Variants in PLPP3 observed in about 807,000 individuals in gnomAD.
PLPP3 encodes the protein PAP2 beta.
In PLPP3, 6 loss-of-function variants were observed where a neutral mutation model predicts 29.6. The observed-to-expected ratio is 0.20, with a 90% confidence interval of 0.11 to 0.40. The LOEUF (loss-of-function observed/expected upper bound fraction) is 0.40. PLPP3 is among the 10% of genes least tolerant of loss of function. The pLI is 1.00. For synonymous variants in PLPP3, 152 were observed against 159.7 expected (o/e 0.95, Z 0.36); for missense variants, 308 against 407.7 (o/e 0.76, Z 2.11).
intron 4 of PLPP3, 73 bp from the exon 5 acceptor site, chr1:56,512,225 A>G: frequency 7.5e-7 from 1 of 1,328,746 alleles, no homozygotes; most frequent in South Asian, 1.6e-5. Flanking sequence ...CCCAGGTGAC[A>G]CACACTACAT....
At chr1:56,552,085 G>A (rs1646043413) in intron 1 of PLPP3, among the ~76,000 whole-genome samples, 1 of 152,088 alleles carries the variant, frequency 6.6e-6, no homozygotes, top group South Asian at 2.1e-4. Flanking sequence ...ATGCACACTG[G>A]TTTTTGTTTG....
chr1:56,547,753 G>C (rs1405000613), intron 1 of PLPP3, among the ~76,000 whole-genome samples: 1 of 152,128 alleles, frequency 6.6e-6, no homozygotes, highest in Non-Finnish European at 1.5e-5. Flanking sequence ...CCATTTGCTG[G>C]GATCCTCTTG....
intron 5 of PLPP3, among the ~76,000 whole-genome samples, chr1:56,498,686 T>C (rs1569859511): frequency 6.6e-6 from 1 of 151,584 alleles, no homozygotes; most frequent in Non-Finnish European, 1.5e-5. Context: ...CAGGCTGGAG[T>C]GCAGTGGCAC....
chr1:56,548,922 A>G (rs1173636009), intron 1 of PLPP3, among the ~76,000 whole-genome samples: 1 of 152,180 alleles, frequency 6.6e-6, no homozygotes, highest in African/African-American at 2.4e-5. Context: ...CCAGAACTGA[A>G]AAGGTTTTCT....
chr1:56,578,634 A>G (rs1182659494), intron 1 of PLPP3, among the ~76,000 whole-genome samples: 1 of 152,164 alleles, frequency 6.6e-6, no homozygotes, highest in Non-Finnish European at 1.5e-5. Context: ...GAGCTGGTTT[A>G]ACAGTTGCCC....
Position 56,496,508 on chromosome 1 carries a change from T to C in PLPP3, c.*43A>G. On this transcript the variant is annotated 3_prime_UTR_variant, in exon 6 of 6. Coordinates refer to ENST00000371250, the MANE Select transcript of PLPP3 (RefSeq NM_003713.5). Reference sequence around the variant, plus strand: ...ATTGGAGAGCAGCAAGAACTTGCTGTCAGCAGTCATTTTACAAAAACAGCT... The same window carrying C: ...ATTGGAGAGCAGCAAGAACTTGCTGCCAGCAGTCATTTTACAAAAACAGCT... 6.2e-7 allele frequency: 1 copy of C among 1,607,500 alleles called. No individual in the cohort carries two copies. The highest frequency in any genetic ancestry group is 8.5e-7 in the Non-Finnish European group (1 of 1,174,904).
At chr1:56,552,480 T>C (rs1222532472) in intron 1 of PLPP3, among the ~76,000 whole-genome samples, 2 of 152,186 alleles carry the variant, frequency 1.3e-5, no homozygotes, top group Non-Finnish European at 2.9e-5. Context: ...ATATACCAAG[T>C]CAACACAATT....
intron 1 of PLPP3, among the ~76,000 whole-genome samples, chr1:56,563,325 T>C (rs1646142521): frequency 6.6e-6 from 1 of 152,212 alleles, no homozygotes; most frequent in African/African-American, 2.4e-5. Flanking sequence ...GGCCCTACAA[T>C]AGCCTGGGAA....
At chr1:56,540,108 T>C in intron 1 of PLPP3, among the ~76,000 whole-genome samples, 1 of 152,212 alleles carries the variant, frequency 6.6e-6, no homozygotes, top group East Asian at 1.9e-4. Flanking sequence ...ATCTTGACTC[T>C]GCTCCCTACT....
intron 5 of PLPP3, among the ~76,000 whole-genome samples, chr1:56,503,240 G>A (rs1388742944): frequency 6.6e-6 from 1 of 152,164 alleles, no homozygotes; most frequent in East Asian, 1.9e-4. Context: ...GTGGAAAAGA[G>A]TGTGACACTG....
intron 4 of PLPP3, among the ~76,000 whole-genome samples, chr1:56,518,716 T>TAC (rs1491197413): frequency 2.2e-5 from 1 of 46,468 alleles, no homozygotes; most frequent in African/African-American, 1.3e-4. Context: ...TTTAATCATT[T>TAC]ATATATATAT....
Position 56,571,528 on chromosome 1 carries a change from C to T in PLPP3, c.139+7350G>A, listed in dbSNP as rs531644966. Among the ~76,000 whole-genome samples, 30 of 152,252 alleles carry T rather than the reference C, an allele frequency of 2.0e-4. No individual in the cohort carries two copies. In the South Asian group the frequency reaches 2.1e-3, roughly 11 times the overall value. On this transcript the variant is annotated intron_variant, in intron 1 of 5. Coordinates refer to ENST00000371250, the MANE Select transcript of PLPP3 (RefSeq NM_003713.5). ...TGACATTAAAAAATGACCTTGGTATCGTTGATAATGAAATCTCCAAGGTAC... is the reference window on the plus strand; with the variant it reads ...TGACATTAAAAAATGACCTTGGTATTGTTGATAATGAAATCTCCAAGGTAC...
intron 2 of PLPP3, among the ~76,000 whole-genome samples, chr1:56,530,267 C>T (rs1293006666): frequency 6.8e-6 from 1 of 146,570 alleles, no homozygotes. Context: ...GTGTTCCTGG[C>T]TTTCTGCTGT....
At chr1:56,501,563 G>A (rs1645668502) in intron 5 of PLPP3, among the ~76,000 whole-genome samples, 1 of 152,034 alleles carries the variant, frequency 6.6e-6, no homozygotes, top group African/African-American at 2.4e-5. Context: ...TGTTTCTATG[G>A]ATTTATCTGT....
At position 56,557,006 on chromosome 1, in the gene PLPP3, G is replaced by GAAGGAAAGAAAGAAAGA. The variant is rs1557513486; in HGVS notation, c.140-19895_140-19894insTCTTTCTTTCTTTCCTT. ...AGAAAGAAAGAAAGAAAGAAAGAAA[G>GAAGGAAAGAAAGAAAGA]AAAGAGAGAGAGAGAGAGAAAGAGA... On this transcript the variant is annotated intron_variant, in intron 1 of 5. Coordinates refer to ENST00000371250, the MANE Select transcript of PLPP3 (RefSeq NM_003713.5). Among the ~76,000 whole-genome samples the GAAGGAAAGAAAGAAAGA allele has an allele frequency of 8.0e-3, 52 of 6,460 alleles. 4 individuals carry two copies. The highest frequency in any genetic ancestry group is 9.1e-3 in the African/African-American group (23 of 2,514). The allele number at this position is 6,460 out of a possible 152,430, so 4.2% of individuals were successfully genotyped here.
chr1:56,520,226 C>T (rs182885580), intron 4 of PLPP3, among the ~76,000 whole-genome samples: 1 of 152,170 alleles, frequency 6.6e-6, no homozygotes, highest in African/African-American at 2.4e-5. Flanking sequence ...TGCTGAGGCT[C>T]TAAAGCTATG....
At chr1:56,575,212 C>G (rs1228103833) in intron 1 of PLPP3, among the ~76,000 whole-genome samples, 1 of 152,176 alleles carries the variant, frequency 6.6e-6, no homozygotes, top group East Asian at 1.9e-4. Flanking sequence ...CTGAGACACA[C>G]AGAAAACCGA....
At chr1:56,563,157 T>C (rs571099019) in intron 1 of PLPP3, among the ~76,000 whole-genome samples, 2 of 152,298 alleles carry the variant, frequency 1.3e-5, no homozygotes, top group East Asian at 3.9e-4. Context: ...CTAAGTCCTA[T>C]TTAACTTTTC....
chr1:56,573,909 A>C (rs1232380116), intron 1 of PLPP3, among the ~76,000 whole-genome samples: 1 of 152,204 alleles, frequency 6.6e-6, no homozygotes, highest in Non-Finnish European at 1.5e-5. Flanking sequence ...AAGGGTTAAA[A>C]GCAGAAAAGG....
Sources: allele counts gnomAD v4.1 joint callset (sites outside exome capture counted in the v4.1 genomes callset), GRCh38; gene constraint gnomAD v4.1.1; transcripts MANE v1.5; gene names NCBI Gene and HGNC (gene_info 2026-07-23, HGNC 2026-07-21).